CD44: variants seen among roughly 807,000 people sequenced by gnomAD.
The protein encoded by CD44 is CD44 molecule (IN blood group), also known as CD44 antigen.
In CD44, 49 loss-of-function variants were observed where a neutral mutation model predicts 88.8. The observed-to-expected ratio is 0.55, with a 90% confidence interval of 0.44 to 0.70. CD44 has a LOEUF of 0.70. Ranked by LOEUF, CD44 falls within the 30% of genes least tolerant of loss-of-function variation. The pLI is 0.00. For synonymous variants in CD44, 325 were observed against 312.3 expected (o/e 1.04, Z -0.43); for missense variants, 883 against 913.8 (o/e 0.97, Z 0.43).
chr11:35,204,048 C>T (rs187057719), intron 9 of CD44, among the ~76,000 whole-genome samples: 340 of 152,204 alleles, frequency 2.2e-3, no homozygotes, highest in African/African-American at 7.5e-3. Flanking sequence ...CCAGTGTGTG[C>T]GATTATGGGT....
At chr11:35,174,264 T>C (rs1164624374) in intron 1 of CD44, among the ~76,000 whole-genome samples, 1 of 152,198 alleles carries the variant, frequency 6.6e-6, no homozygotes, top group African/African-American at 2.4e-5. Context: ...GGAATCTTCC[T>C]ACCCACCACT....
chr11:35,216,739 T>G (rs1948859283), intron 15 of CD44, among the ~76,000 whole-genome samples: 1 of 152,192 alleles, frequency 6.6e-6, no homozygotes, highest in South Asian at 2.1e-4. Flanking sequence ...GGGCATGATC[T>G]CTAAAACCAA....
chr11:35,225,869 C>T (rs578160076), intron 17 of CD44, among the ~76,000 whole-genome samples: 5 of 152,212 alleles, frequency 3.3e-5, no homozygotes, highest in African/African-American at 1.2e-4. Flanking sequence ...AAAATCCAAG[C>T]TGTGATTCTT....
At chr11:35,171,965 T>G (rs900899429) in intron 1 of CD44, among the ~76,000 whole-genome samples, 1 of 151,996 alleles carries the variant, frequency 6.6e-6, no homozygotes, top group Non-Finnish European at 1.5e-5. Context: ...AGCATTGTCA[T>G]GTCATGATGG....
chr11:35,206,314 A>G (rs913437641), intron 11 of CD44, 71 bp downstream of exon 11: 14 of 1,464,654 alleles, frequency 9.6e-6, no homozygotes, highest in African/African-American at 1.4e-5. Context: ...CTATTTTTCT[A>G]GAAATATGCC....
At chr11:35,190,345 T>C (rs1469487672) in intron 5 of CD44, 1 of 504,384 alleles carries the variant, frequency 2.0e-6, no homozygotes, top group East Asian at 3.4e-5. Flanking sequence ...CCTTATTCTC[T>C]TATCCCCAGG....
At chr11:35,149,834 A>G (rs1413455887) in intron 1 of CD44, among the ~76,000 whole-genome samples, 4 of 152,254 alleles carry the variant, frequency 2.6e-5, no homozygotes, top group Non-Finnish European at 4.4e-5. Flanking sequence ...TCCATGCCAG[A>G]AATAAACATA....
Position 35,222,511 on chromosome 11 carries a change from A to G in CD44, c.2024+779A>G, listed in dbSNP as rs7116432. 0.35 allele frequency: 385,196 copies of G among 1,097,788 alleles called. 71,016 individuals are homozygous for G. Among genetic ancestry groups the G allele is most frequent in the East Asian group, 0.82 (9,860 of 12,052 alleles). The allele number at this position is 1,097,788 out of a possible 1,614,324, so 68.0% of individuals were successfully genotyped here. A position where few individuals can be genotyped will look rare whatever the true frequency, so the allele number is the denominator to read the frequency against. ...ACAGTCACCTCGCTAGAACTGACAC[A>G]TGGGCTGTTTTTATATTCTTGAAGG... On this transcript the variant is annotated intron_variant, in intron 17 of 17. Coordinates refer to ENST00000428726, the MANE Select transcript of CD44 (RefSeq NM_000610.4).
At chr11:35,195,946 T>G (rs1448287278) in intron 5 of CD44, among the ~76,000 whole-genome samples, 1 of 152,166 alleles carries the variant, frequency 6.6e-6, no homozygotes, top group Non-Finnish European at 1.5e-5. Flanking sequence ...GAGGCATATT[T>G]TTCAATCTTC....
At chr11:35,222,409 C>A (rs781424071) in intron 17 of CD44, 1 of 1,298,490 alleles carries the variant, frequency 7.7e-7, no homozygotes, top group Non-Finnish European at 1.0e-6. Context: ...AAGAAGAGCA[C>A]TGTTTCATCG....
At chr11:35,218,808 G>A (rs1256730654) in intron 15 of CD44, 3 of 154,704 alleles carry the variant, frequency 1.9e-5, no homozygotes, top group Admixed American at 1.9e-4. Flanking sequence ...CTGTCCTGAT[G>A]GTCTGAGAGC....
rs1242651671 is a variant in CD44 at position 35,218,614 on chromosome 11, A to G, written c.1874-702A>G. Among the ~76,000 whole-genome samples, 6 of 152,150 alleles carry G rather than the reference A, an allele frequency of 3.9e-5. No homozygotes were observed. The South Asian group carries it at 1.2e-3, about 32-fold the overall frequency. On this transcript the variant is annotated intron_variant, in intron 15 of 17. Coordinates refer to ENST00000428726, the MANE Select transcript of CD44 (RefSeq NM_000610.4). ...AGTACTGGGATTACAGGCGTGAGCA[A>G]ACTCCTTATTTTATAGTGTTTATGT...
intron 12 of CD44, among the ~76,000 whole-genome samples, chr11:35,208,476 AGTT>A (rs1318629273): frequency 1.3e-5 from 2 of 152,350 alleles, no homozygotes; most frequent in Admixed American, 1.3e-4. Flanking sequence ...TTCTCTAAGT[AGTT>A]ATGTCAGTGA....
Position 35,218,085 on chromosome 11 carries a change from G to A in CD44, c.1874-1231G>A, listed in dbSNP as rs1011226993. Among the ~76,000 whole-genome samples, 9 of 151,814 alleles carry A rather than the reference G, an allele frequency of 5.9e-5. No individual in the cohort carries two copies. In the South Asian group the frequency reaches 1.9e-3, roughly 32 times the overall value. On this transcript the variant is annotated intron_variant, in intron 15 of 17. Transcript: ENST00000428726. Reference sequence around the variant, plus strand: ...TTACAGGTGTGAGCCACCATGCCCGGCTTCTTAGAAGTTTCTTTTAGAACC... The same window carrying A: ...TTACAGGTGTGAGCCACCATGCCCGACTTCTTAGAAGTTTCTTTTAGAACC...
chr11:35,219,905 A>G (rs964676778), intron 16 of CD44, among the ~76,000 whole-genome samples: 6 of 152,216 alleles, frequency 3.9e-5, no homozygotes, highest in African/African-American at 1.4e-4. Context: ...TGTGGACAGA[A>G]TAAACTTTTC....
intron 1 of CD44, among the ~76,000 whole-genome samples, chr11:35,146,216 C>T (rs1344294662): frequency 6.6e-6 from 1 of 152,044 alleles, no homozygotes; most frequent in Non-Finnish European, 1.5e-5. Context: ...ACTGAGTCAC[C>T]AAGGAGGTGA....
intron 7 of CD44, 59 bp downstream of exon 7, chr11:35,198,305 G>A: frequency 6.6e-7 from 1 of 1,519,868 alleles, no homozygotes; most frequent in Non-Finnish European, 9.0e-7. Flanking sequence ...TAATCTGAGT[G>A]ATACCAAATT....
chr11:35,199,487 A>T (rs922054249), intron 7 of CD44, among the ~76,000 whole-genome samples: 1 of 152,156 alleles, frequency 6.6e-6, no homozygotes, highest in Non-Finnish European at 1.5e-5. Context: ...CAATTCACTG[A>T]AGTTCTATCC....
intron 1 of CD44, among the ~76,000 whole-genome samples, chr11:35,166,558 G>A (rs1943294735): frequency 6.6e-6 from 1 of 152,202 alleles, no homozygotes; most frequent in Non-Finnish European, 1.5e-5. Context: ...GTAACAGCTA[G>A]GAGAACCCTT....
Sources: allele counts gnomAD v4.1 joint callset (sites outside exome capture counted in the v4.1 genomes callset), GRCh38; gene constraint gnomAD v4.1.1; transcripts MANE v1.5; gene names NCBI Gene and HGNC (gene_info 2026-07-23, HGNC 2026-07-21).